Variants in CADM1 observed in about 807,000 individuals in gnomAD.
The protein encoded by CADM1 is cell adhesion molecule 1.
CADM1 carries 15 observed loss-of-function variants against 53.1 expected under a neutral mutation model. That is an observed-to-expected ratio of 0.28 (90% CI 0.19 to 0.44). The LOEUF (loss-of-function observed/expected upper bound fraction) is 0.44, where lower values mean the gene tolerates loss of function less well. Ranked by LOEUF, CADM1 falls within the 20% of genes least tolerant of loss-of-function variation. The pLI, the probability that CADM1 is intolerant of heterozygous loss-of-function variation, is 1.00. For missense variants in CADM1, 434 were observed against 611.3 expected (o/e 0.71, Z 3.06); for synonymous variants, 281 against 243.0 (o/e 1.16, Z -1.45).
chr11:115,185,967 T>C (rs547664613), intron 10 of CADM1, among the ~76,000 whole-genome samples: 1 of 152,310 alleles, frequency 6.6e-6, no homozygotes, highest in East Asian at 1.9e-4. Flanking sequence ...GAATTCACAC[T>C]CACCGTGGCC....
At chr11:115,484,021 T>C (rs1949313914) in intron 1 of CADM1, among the ~76,000 whole-genome samples, 1 of 152,142 alleles carries the variant, frequency 6.6e-6, no homozygotes, top group South Asian at 2.1e-4. Flanking sequence ...ATCCTACCCA[T>C]AGGAGACCAG....
intron 11 of CADM1, 143 bp downstream of exon 11, chr11:115,178,498 TTTC>T: frequency 1.2e-6 from 1 of 809,046 alleles, no homozygotes; most frequent in Non-Finnish European, 2.0e-6. Context: ...TTTTTTTTTT[TTTC>T]TCTTCTCTCT....
intron 1 of CADM1, among the ~76,000 whole-genome samples, chr11:115,441,395 C>T (rs561932941): frequency 6.6e-6 from 1 of 152,004 alleles, no homozygotes; most frequent in South Asian, 2.1e-4. Context: ...ATTTCAAAAA[C>T]AAAAAACCAG....
chr11:115,501,923 A>G (rs190549128), intron 1 of CADM1, among the ~76,000 whole-genome samples: 76 of 152,298 alleles, frequency 5.0e-4, no homozygotes, highest in African/African-American at 1.8e-3. Context: ...ATATGCATTA[A>G]GAGAAAAAAA....
chr11:115,206,758 C>CTTATTTTTTTT (rs1940706440), intron 8 of CADM1, among the ~76,000 whole-genome samples: 1 of 38,206 alleles, frequency 2.6e-5, no homozygotes, highest in Non-Finnish European at 4.5e-5. Context: ...CTGTGGACTT[C>CTTATTTTTTTT]TTTTTTTTTT....
intron 1 of CADM1, among the ~76,000 whole-genome samples, chr11:115,241,682 T>A (rs927083738): frequency 9.9e-5 from 15 of 152,212 alleles, no homozygotes; most frequent in African/African-American, 3.6e-4. Flanking sequence ...ATCATCATCA[T>A]CGTCATCATT....
intron 1 of CADM1, among the ~76,000 whole-genome samples, chr11:115,242,985 T>C (rs1942291866): frequency 6.6e-6 from 1 of 152,206 alleles, no homozygotes; most frequent in African/African-American, 2.4e-5. Flanking sequence ...CTACAGAACA[T>C]GTATATAGGG....
chr11:115,473,873 A>C (rs1450895647), intron 1 of CADM1, among the ~76,000 whole-genome samples: 7 of 152,172 alleles, frequency 4.6e-5, no homozygotes. Context: ...AGCAAAAGAC[A>C]CTATTAAGAG....
chr11:115,260,992 A>C (rs2135016396), intron 1 of CADM1, among the ~76,000 whole-genome samples: 1 of 152,176 alleles, frequency 6.6e-6, no homozygotes, highest in South Asian at 2.1e-4. Flanking sequence ...GGTGCTCTTA[A>C]TCAGACCTTT....
At chr11:115,240,442 G>T in intron 1 of CADM1, 22 bp from the exon 2 acceptor site, 4 of 1,612,932 alleles carry the variant, frequency 2.5e-6, no homozygotes, top group Non-Finnish European at 3.4e-6. Flanking sequence ...GGAAGAAAAG[G>T]TCAGAGGAAA....
At position 115,174,007 on chromosome 11, in the gene CADM1, A is replaced by C; in HGVS notation, c.*2467T>G. ...ACAGTGCACTGTATACTTAAGAAAA[A>C]ATACATAAACCAATATACAACTAAA... is the stretch of plus-strand genomic sequence containing the variant. On this transcript the variant is annotated 3_prime_UTR_variant, in exon 12 of 12. Transcript: ENST00000331581. 1 of 963,972 alleles carries C rather than the reference A, an allele frequency of 1.0e-6. No homozygotes were observed. The highest frequency in any genetic ancestry group is 1.2e-6 in the Non-Finnish European group (1 of 810,302). 59.7% of individuals were successfully genotyped at this position (963,972 alleles called of 1,614,324 possible).
At chr11:115,374,441 T>A (rs548082931) in intron 1 of CADM1, among the ~76,000 whole-genome samples, 13 of 152,178 alleles carry the variant, frequency 8.5e-5, no homozygotes, top group African/African-American at 3.1e-4. Flanking sequence ...TGTCTGGCCA[T>A]TCTATGTATA....
In CADM1 at chr11:115,479,483, G is replaced by A. The variant is rs557580295; in HGVS notation, c.124+24788C>T. Among the ~76,000 whole-genome samples, 12 of 152,092 alleles carry A rather than the reference G, an allele frequency of 7.9e-5. No individual in the cohort carries two copies. In the South Asian group the frequency reaches 1.7e-3, roughly 21 times the overall value. ...GCTTCAGAACCCAACCCAAAAAAAC[G>A]TACAAAATTGTCCCTCCTAAATGAG... On this transcript the variant is annotated intron_variant, in intron 1 of 11. Transcript: ENST00000331581.
chr11:115,387,104 T>C (rs945537472), intron 1 of CADM1, among the ~76,000 whole-genome samples: 3 of 152,178 alleles, frequency 2.0e-5, no homozygotes, highest in African/African-American at 7.2e-5. Context: ...CATCTCTTAT[T>C]TTCTACTATA....
intron 1 of CADM1, among the ~76,000 whole-genome samples, chr11:115,444,251 A>C (rs1948396159): frequency 6.6e-6 from 1 of 152,160 alleles, no homozygotes; most frequent in Admixed American, 6.5e-5. Flanking sequence ...CTGCAAACTT[A>C]AGAGAAAAAT....
At chr11:115,336,685 T>C (rs1365984685) in intron 1 of CADM1, among the ~76,000 whole-genome samples, 1 of 152,204 alleles carries the variant, frequency 6.6e-6, no homozygotes, top group Non-Finnish European at 1.5e-5. Flanking sequence ...CACAATTTAA[T>C]CCTTTTAAAA....
At chr11:115,236,306 T>C (rs1230805872) in intron 3 of CADM1, among the ~76,000 whole-genome samples, 1 of 152,118 alleles carries the variant, frequency 6.6e-6, no homozygotes, top group Non-Finnish European at 1.5e-5. Context: ...CGAGTATCAG[T>C]GGAAATTGTC....
rs542937226 is a variant in CADM1, at chr11:115,222,849, T to G, written c.722-4858A>C. Among the ~76,000 whole-genome samples, 372 of 152,338 alleles carry G rather than the reference T, an allele frequency of 2.4e-3. 1 individual carries two copies. Among genetic ancestry groups the G allele is most frequent in the South Asian group, 6.4e-3 (31 of 4,828 alleles). ...AATGGGGGTACATACTCACAGAATATTCTTCCATGTCTTGGAAGCAATTCT... is the reference window on the plus strand; with the variant it reads ...AATGGGGGTACATACTCACAGAATAGTCTTCCATGTCTTGGAAGCAATTCT... On this transcript the variant is annotated intron_variant, in intron 5 of 11. Transcript: ENST00000331581.
At chr11:115,483,025 T>G (rs1406050681) in intron 1 of CADM1, among the ~76,000 whole-genome samples, 1 of 152,248 alleles carries the variant, frequency 6.6e-6, no homozygotes, top group Non-Finnish European at 1.5e-5. Flanking sequence ...CTATCATCTT[T>G]AAATCCACAA....
Sources: gnomAD v4.1 joint callset for allele counts (sites outside exome capture counted in the v4.1 genomes callset) on GRCh38, gnomAD v4.1.1 for gene constraint, MANE v1.5 for transcripts, NCBI Gene and HGNC (gene_info 2026-07-23, HGNC 2026-07-21) for gene names.